The following SYCP1 variants were observed in gnomAD, a reference collection of about 807,000 sequenced individuals.
SYCP1 encodes synaptonemal complex protein 1.
SYCP1 carries 64 observed loss-of-function variants against 153.1 expected under a neutral mutation model. The observed-to-expected ratio is 0.42, with a 90% CI of 0.34 to 0.51. The LOEUF (loss-of-function observed/expected upper bound fraction) is 0.51. Ranked by LOEUF, SYCP1 falls within the 20% of genes least tolerant of loss-of-function variation. The pLI, the probability that SYCP1 is intolerant of heterozygous loss-of-function variation, is 0.06. For synonymous variants in SYCP1, 384 were observed against 341.8 expected (o/e 1.12, Z -1.36); for missense variants, 997 against 1,049.0 (o/e 0.95, Z 0.68).
At chr1:114,888,103 C>A (rs113844137) in intron 15 of SYCP1, among the ~76,000 whole-genome samples, 2 of 151,982 alleles carry the variant, frequency 1.3e-5, no homozygotes, top group African/African-American at 4.8e-5. Flanking sequence ...AAAATGTGAT[C>A]CTATTTTATC....
intron 16 of SYCP1, among the ~76,000 whole-genome samples, chr1:114,906,003 T>C (rs1031306006): frequency 2.0e-5 from 3 of 152,196 alleles, no homozygotes; most frequent in Admixed American, 6.5e-5. Context: ...TCTTGTTCTG[T>C]CACCCAGGCT....
chr1:114,941,195 T>A (rs1670363090), intron 23 of SYCP1, among the ~76,000 whole-genome samples: 2 of 152,072 alleles, frequency 1.3e-5, no homozygotes, highest in African/African-American at 4.8e-5. Context: ...TCCATTTAAA[T>A]TTGGTTGAAA....
At chr1:114,886,070 T>A in intron 13 of SYCP1, 55 bp from the exon 14 acceptor site, 1 of 1,253,270 alleles carries the variant, frequency 8.0e-7, no homozygotes. Flanking sequence ...AAGTTCAGCT[T>A]TTTTGGTTAA....
At chr1:114,965,977 C>G (rs1672104086) in intron 27 of SYCP1, among the ~76,000 whole-genome samples, 1 of 151,954 alleles carries the variant, frequency 6.6e-6, no homozygotes, top group Non-Finnish European at 1.5e-5. Flanking sequence ...TGGTCCTGGG[C>G]TTTTTTTGGT....
chr1:114,864,426 C>T (rs1291347726), intron 8 of SYCP1, among the ~76,000 whole-genome samples: 2 of 151,988 alleles, frequency 1.3e-5, no homozygotes, highest in African/African-American at 4.8e-5. Flanking sequence ...GTATTTCTGA[C>T]TCTGTATTTT....
chr1:114,984,861 A>T lies in SYCP1; in HGVS notation c.2696A>T (p.Asp899Val). 1 of 1,405,566 alleles carries T rather than the reference A, an allele frequency of 7.1e-7. No individual in the cohort carries two copies. The highest frequency in any genetic ancestry group is 9.5e-7 in the Non-Finnish European group (1 of 1,052,702). The allele number at this position is 1,405,566 out of a possible 1,614,324, so 87.1% of individuals were successfully genotyped here. ...DINSDSSETT[D>V]LLSMVSEEET... ...AATTCAGATAGTTCAGAAACTACTG[A>T]TCTTTTGGTAAAAATTTTACAAATA... Residue 899 changes from aspartate (D) to valine (V), a missense_variant, in exon 30 of 32, where the codon GAT becomes GTT. Physicochemically the swap from Asp to Val is radical, Grantham distance 152. Transcript: ENST00000369522.
chr1:114,965,440 T>G (rs1158936136), intron 27 of SYCP1, among the ~76,000 whole-genome samples: 2 of 152,186 alleles, frequency 1.3e-5, no homozygotes, highest in Admixed American at 1.3e-4. Flanking sequence ...TGTGCTGGTT[T>G]TCAAAGGGAA....
chr1:114,972,566 T>C (rs1672564518), intron 27 of SYCP1, among the ~76,000 whole-genome samples: 2 of 152,190 alleles, frequency 1.3e-5, no homozygotes, highest in African/African-American at 4.8e-5. Flanking sequence ...CTCTTAGTAC[T>C]GCATTTGCTG....
At position 114,962,167 on chromosome 1, in the gene SYCP1, T is replaced by C. The variant is rs183428796; in HGVS notation, c.2322+14847T>C. The stretch of plus-strand genomic sequence containing the variant: ...CCAGCTAATTTTTGTATTTTTTTAG[T>C]AGAGACAGGGTTTCGCTGTGTTGGC... On this transcript the variant is annotated intron_variant, in intron 27 of 31. Coordinates refer to ENST00000369522, the MANE Select transcript of SYCP1 (RefSeq NM_003176.4). Among the ~76,000 whole-genome samples the C allele has an allele frequency of 3.3e-4, 50 of 152,120 alleles. No homozygotes were observed. In the East Asian group the frequency reaches 9.5e-3, roughly 29 times the overall value.
chr1:114,980,959 G>A (rs1229131156), intron 28 of SYCP1, among the ~76,000 whole-genome samples: 4 of 151,888 alleles, frequency 2.6e-5, no homozygotes, highest in African/African-American at 9.6e-5. Flanking sequence ...AGGCCCCAGT[G>A]TGTTTTGTTG....
chr1:114,874,417 A>G, intron 8 of SYCP1, 89 bp from the exon 9 acceptor site: 1 of 765,048 alleles, frequency 1.3e-6, no homozygotes, highest in Non-Finnish European at 2.2e-6. Flanking sequence ...AATTTTAAAT[A>G]TTTTAATGTT....
In SYCP1 at chr1:114,947,229, T is replaced by C. The variant is rs1439133290; in HGVS notation, c.2248-17T>C. 6.3e-7 allele frequency: 1 copy of C among 1,591,204 alleles called. No homozygotes were observed. Among genetic ancestry groups the C allele is most frequent in the Non-Finnish European group, 8.6e-7 (1 of 1,163,844 alleles). ...TACATGGAAGCTCTTCTAAACTTCA[T>C]GTTTCTTTTTCTTTAGGAGATTGAA... On this transcript the variant is annotated splice_polypyrimidine_tract_variant and intron_variant, in intron 26 of 31. Coordinates refer to ENST00000369522, the MANE Select transcript of SYCP1 (RefSeq NM_003176.4).
intron 27 of SYCP1, among the ~76,000 whole-genome samples, chr1:114,971,864 G>A (rs757681343): frequency 3.3e-5 from 5 of 152,048 alleles, no homozygotes; most frequent in African/African-American, 4.8e-5. Context: ...CGGGATATGG[G>A]CCTTTAGTTT....
intron 17 of SYCP1, 101 bp downstream of exon 17, chr1:114,910,602 A>G: frequency 1.3e-6 from 1 of 742,232 alleles, no homozygotes; most frequent in South Asian, 2.9e-5. Flanking sequence ...TTTCTTCACA[A>G]AATTCCTTTC....
intron 18 of SYCP1, among the ~76,000 whole-genome samples, chr1:114,912,012 C>T (rs1286801): frequency 0.035 from 5,296 of 151,828 alleles, 106 homozygotes; most frequent in African/African-American, 0.048. Context: ...GGAGAGAAAG[C>T]GGGGAAATTA....
chr1:114,948,649 G>A (rs2101836462), intron 27 of SYCP1, among the ~76,000 whole-genome samples: 1 of 152,150 alleles, frequency 6.6e-6, no homozygotes, highest in South Asian at 2.1e-4. Context: ...ATTTCACTCT[G>A]TGCCCCCTGT....
chr1:114,955,195 T>C (rs1169392254), intron 27 of SYCP1, among the ~76,000 whole-genome samples: 1 of 152,212 alleles, frequency 6.6e-6, no homozygotes, highest in African/African-American at 2.4e-5. Context: ...GTTGATATGG[T>C]GGATTACCTT....
chr1:114,923,938 A>T (rs1302490110), intron 21 of SYCP1, among the ~76,000 whole-genome samples: 1 of 152,186 alleles, frequency 6.6e-6, no homozygotes, highest in Non-Finnish European at 1.5e-5. Context: ...ATAGTACAAG[A>T]TATGTGACAT....
At chr1:114,913,616 G>C (rs1468052657) in intron 19 of SYCP1, among the ~76,000 whole-genome samples, 1 of 152,036 alleles carries the variant, frequency 6.6e-6, no homozygotes, top group Non-Finnish European at 1.5e-5. Flanking sequence ...TAAAGAGAAG[G>C]CTTCTGAGAG....
Sources: allele counts gnomAD v4.1 joint callset (sites outside exome capture counted in the v4.1 genomes callset), GRCh38; gene constraint gnomAD v4.1.1; transcripts MANE v1.5; gene names NCBI Gene and HGNC (gene_info 2026-07-23, HGNC 2026-07-21).